Variants in MACROD2 observed in about 807,000 individuals in gnomAD.
The protein encoded by MACROD2 is mono-ADP ribosylhydrolase 2.
Under a neutral mutation model 70.4 loss-of-function variants are expected in MACROD2, and 36 were observed. The ratio of observed to expected loss-of-function variants is 0.51; its 90% CI spans 0.39 to 0.68. The LOEUF (loss-of-function observed/expected upper bound fraction) is 0.68. Among genes scored for constraint, MACROD2 ranks in the 30% least tolerant of loss-of-function variants. The pLI is 0.00. For synonymous variants in MACROD2, 172 were observed against 178.8 expected (o/e 0.96, Z 0.30); for missense variants, 496 against 538.4 (o/e 0.92, Z 0.78).
At chr20:14,465,762 G>A (rs2084437943) in intron 3 of MACROD2, among the ~76,000 whole-genome samples, 1 of 152,074 alleles carries the variant, frequency 6.6e-6, no homozygotes, top group South Asian at 2.1e-4. Flanking sequence ...TTGCTTGTCT[G>A]TAAAGTATTT....
At chr20:15,449,655 T>A (rs1182794418) in intron 7 of MACROD2, among the ~76,000 whole-genome samples, 4 of 152,170 alleles carry the variant, frequency 2.6e-5, no homozygotes, top group Non-Finnish European at 5.9e-5. Context: ...AGATTATTTT[T>A]AAAAATTAAC....
intron 6 of MACROD2, among the ~76,000 whole-genome samples, chr20:15,232,133 G>A (rs1399438648): frequency 2.6e-5 from 4 of 151,100 alleles, no homozygotes; most frequent in Non-Finnish European, 5.9e-5. Flanking sequence ...TCTTTATATG[G>A]TGTGTCATGT....
chr20:14,426,772 G>A (rs1480739148), intron 3 of MACROD2, among the ~76,000 whole-genome samples: 1 of 151,862 alleles, frequency 6.6e-6, no homozygotes, highest in Non-Finnish European at 1.5e-5. Flanking sequence ...CCATTAGGGA[G>A]GAAAAATGGG....
At position 16,007,754 on chromosome 20, in the gene MACROD2, G is replaced by A. The variant is rs2066808661; in HGVS notation, c.1153+20596G>A. ...GGCCCTGACATTTATTATCTAACTT[G>A]TGACCCAGCATCCTTTCCACCCTAC... On this transcript the variant is annotated intron_variant, in intron 15 of 17. Coordinates refer to ENST00000684519, the MANE Select transcript of MACROD2 (RefSeq NM_001351661.2). Among the ~76,000 whole-genome samples the A allele has an allele frequency of 2.0e-5, 3 of 152,068 alleles. No homozygotes were observed. The South Asian group carries it at 6.2e-4, about 32-fold the overall frequency.
intron 5 of MACROD2, among the ~76,000 whole-genome samples, chr20:14,779,144 C>T (rs1250585055): frequency 6.6e-6 from 1 of 152,064 alleles, no homozygotes; most frequent in Non-Finnish European, 1.5e-5. Flanking sequence ...CACCAAAAGG[C>T]ATCATTAGAT....
intron 8 of MACROD2, among the ~76,000 whole-genome samples, chr20:15,817,672 G>A (rs569738621): frequency 2.8e-4 from 43 of 152,148 alleles, no homozygotes; most frequent in African/African-American, 1.0e-3. Flanking sequence ...TCTTAGGTTA[G>A]ACCACCACCA....
chr20:14,205,556 C>T (rs1421782357), intron 3 of MACROD2, among the ~76,000 whole-genome samples: 1 of 152,158 alleles, frequency 6.6e-6, no homozygotes, highest in Non-Finnish European at 1.5e-5. Flanking sequence ...TTAGTCTGAC[C>T]CACTTCACAT....
At chr20:14,080,298 C>A (rs1472151053) in intron 2 of MACROD2, among the ~76,000 whole-genome samples, 5 of 151,650 alleles carry the variant, frequency 3.3e-5, no homozygotes, top group Non-Finnish European at 7.4e-5. Context: ...AAAAAATTAG[C>A]CGGGTGTGGT....
At chr20:15,632,768 T>A (rs2049309489) in intron 8 of MACROD2, among the ~76,000 whole-genome samples, 1 of 152,142 alleles carries the variant, frequency 6.6e-6, no homozygotes, top group Non-Finnish European at 1.5e-5. Flanking sequence ...TTATCTTGCC[T>A]GCCTACTTTC....
At position 15,150,707 on chromosome 20, in the gene MACROD2, A is replaced by G. The variant is rs190651694; in HGVS notation, c.419-79233A>G. Among the ~76,000 whole-genome samples the G allele has an allele frequency of 1.4e-4, 22 of 151,884 alleles. No individual in the cohort carries two copies. In the East Asian group the frequency reaches 3.9e-3, roughly 27 times the overall value. On this transcript the variant is annotated intron_variant, in intron 5 of 17. Transcript: ENST00000684519. ...GGGATACAAGAGGAGGATGCAAAGGAGGCTTTGGATTGGGAAGAAGGGCGG... is the reference window on the plus strand; with the variant it reads ...GGGATACAAGAGGAGGATGCAAAGGGGGCTTTGGATTGGGAAGAAGGGCGG...
intron 4 of MACROD2, among the ~76,000 whole-genome samples, chr20:14,562,845 G>T (rs1979529402): frequency 6.6e-6 from 1 of 151,656 alleles, no homozygotes; most frequent in Non-Finnish European, 1.5e-5. Context: ...TGGATTTGTT[G>T]CCTGTCGTGT....
At chr20:15,180,759 G>A (rs2076494727) in intron 5 of MACROD2, among the ~76,000 whole-genome samples, 1 of 152,176 alleles carries the variant, frequency 6.6e-6, no homozygotes, top group African/African-American at 2.4e-5. Flanking sequence ...CCAAAGTTCT[G>A]GGATTACAGG....
At chr20:15,153,777 A>T (rs746674204) in intron 5 of MACROD2, among the ~76,000 whole-genome samples, 4 of 152,164 alleles carry the variant, frequency 2.6e-5, no homozygotes, top group African/African-American at 9.7e-5. Context: ...TGGAAAGCAT[A>T]TGGAGGGCTT....
intron 3 of MACROD2, among the ~76,000 whole-genome samples, chr20:14,400,414 T>C (rs1489805022): frequency 6.6e-6 from 1 of 152,218 alleles, no homozygotes; most frequent in Non-Finnish European, 1.5e-5. Flanking sequence ...GAATGCCAGA[T>C]ATTATTCCTC....
At chr20:15,608,430 A>C (rs1313317594) in intron 8 of MACROD2, among the ~76,000 whole-genome samples, 2 of 152,102 alleles carry the variant, frequency 1.3e-5, no homozygotes, top group Non-Finnish European at 2.9e-5. Flanking sequence ...CGTAGCTGTT[A>C]TTTCCTCACC....
At chr20:14,770,781 A>G (rs2072154801) in intron 5 of MACROD2, among the ~76,000 whole-genome samples, 1 of 152,148 alleles carries the variant, frequency 6.6e-6, no homozygotes, top group African/African-American at 2.4e-5. Flanking sequence ...CCTGAAGCCC[A>G]CAGGAGCTAA....
At chr20:14,330,428 C>T (rs2082814748) in intron 3 of MACROD2, among the ~76,000 whole-genome samples, 1 of 151,940 alleles carries the variant, frequency 6.6e-6, no homozygotes, top group African/African-American at 2.4e-5. Context: ...TTTGCTTCTC[C>T]CACAGTTGCT....
intron 6 of MACROD2, among the ~76,000 whole-genome samples, chr20:15,421,158 G>A (rs1304746678): frequency 6.6e-6 from 1 of 152,080 alleles, no homozygotes; most frequent in African/African-American, 2.4e-5. Context: ...CAGGCGGATT[G>A]CTTGAATCCA....
intron 5 of MACROD2, among the ~76,000 whole-genome samples, chr20:14,714,872 A>G (rs1352634159): frequency 6.6e-6 from 1 of 152,144 alleles, no homozygotes; most frequent in Admixed American, 6.5e-5. Flanking sequence ...TAGTTAATTC[A>G]TGTTTCTTTT....
Sources: allele counts gnomAD v4.1 joint callset (sites outside exome capture counted in the v4.1 genomes callset), GRCh38; gene constraint gnomAD v4.1.1; transcripts MANE v1.5; gene names NCBI Gene and HGNC (gene_info 2026-07-23, HGNC 2026-07-21).